The following PPP1R9B variants were observed in gnomAD, a reference collection of about 807,000 sequenced individuals.
PPP1R9B encodes the protein neurabin-2.
PPP1R9B carries 17 observed loss-of-function variants against 75.8 expected under a neutral mutation model. The ratio of observed to expected loss-of-function variants is 0.22; its 90% CI spans 0.15 to 0.34. PPP1R9B has a LOEUF of 0.34. Ranked by LOEUF, PPP1R9B falls within the 10% of genes least tolerant of loss-of-function variation. The probability of loss-of-function intolerance (pLI) is 1.00; values close to 1 mark genes in which losing one functional copy is unlikely to be tolerated. For synonymous variants in PPP1R9B, 509 were observed against 535.4 expected (o/e 0.95, Z 0.68); for missense variants, 875 against 1,196.0 (o/e 0.73, Z 3.96).
rs757974147 is a variant in PPP1R9B at position 50,139,513 on chromosome 17, G to A, written c.1935C>T (p.Ile645=). The A allele has an allele frequency of 9.4e-6, 15 of 1,600,308 alleles. No individual in the cohort carries two copies. The highest frequency in any genetic ancestry group is 1.3e-5 in the African/African-American group (1 of 74,818). Residue 645 remains isoleucine (I), a synonymous_variant, in exon 6 of 10, where the codon ATC becomes ATT. Transcript: ENST00000612501. The surrounding 1 kb of genome is among the most constrained non-coding windows in gnomAD (Gnocchi z 5.0). ...CGTTCTCCGCTAGCTCAAACACCTC[G>A]ATGGCCATCTCACCACCCGGGAACG... is the stretch of plus-strand genomic sequence containing the variant. The part of the protein sequence containing the change: ...SPTFPGGEMA[I]EVFELAENED...
chr17:50,138,654 T>C (rs1435406908), intron 7 of PPP1R9B, among the ~76,000 whole-genome samples: 1 of 152,216 alleles, frequency 6.6e-6, no homozygotes, highest in East Asian at 1.9e-4. Context: ...GGTCTCATTC[T>C]GTTACTCAGG....
chr17:50,145,179 A>T lies in PPP1R9B; in HGVS notation c.1438T>A (p.Ser480Thr). The change falls in exon 2 of 10, where the codon TCT (serine) becomes ACT (threonine). Residue 480 changes from serine to threonine, a missense_variant. By Grantham distance (58) the Ser-to-Thr change is moderately conservative (BLOSUM62 1). Transcript: ENST00000612501. The part of the protein sequence containing the change: ...RNEDVDPMAA[S>T]AEYELEKRVE... ...CGCTTCTCCAGCTCGTACTCAGCAG[A>T]GGCTGCCATGGGATCCACATCCTCG... is the stretch of plus-strand genomic sequence containing the variant. The T allele has an allele frequency of 1.2e-6, 2 of 1,614,036 alleles. No individual in the cohort carries two copies. Among genetic ancestry groups the T allele is most frequent in the Non-Finnish European group, 1.7e-6 (2 of 1,179,892 alleles).
Position 50,139,667 on chromosome 17 carries a change from CCAGA to C in PPP1R9B, c.1867-90_1867-87del. 2 of 1,435,556 alleles carry C rather than the reference CCAGA, an allele frequency of 1.4e-6. No homozygotes were observed. The allele number at this position is 1,435,556 out of a possible 1,614,324, so 88.9% of individuals were successfully genotyped here. Reference sequence around the variant, plus strand: ...CCAGGGCTGGGACCAGTTGCCCATGCCAGACAGAGAGCTACCCAGGAATGTGGTT... The same window carrying C: ...CCAGGGCTGGGACCAGTTGCCCATGCCAGAGAGCTACCCAGGAATGTGGTT... On this transcript the variant is annotated intron_variant, in intron 5 of 9. Transcript: ENST00000612501. This position sits in a 1 kb window ranked among gnomAD's most constrained non-coding sequence, Gnocchi z 5.0.
chr17:50,148,994 G>T (rs926002802), intron 1 of PPP1R9B, 149 bp downstream of exon 1: 1 of 547,380 alleles, frequency 1.8e-6, no homozygotes, highest in Non-Finnish European at 3.0e-6. Context: ...ACTCCCCCAC[G>T]CCCCCCTGAG....
Position 50,150,468 on chromosome 17 carries a change from C to A in PPP1R9B, c.46G>T (p.Ala16Ser). 1 of 1,382,264 alleles carries A rather than the reference C, an allele frequency of 7.2e-7. No individual in the cohort carries two copies. 85.6% of individuals were successfully genotyped at this position (1,382,264 alleles called of 1,614,324 possible). ...TCGTAGGCGCTGCGGTGCGGGGAGG[C>A]GCTCCGGAGGGGACCCCCGGGCCCC... Reference protein sequence around the residue: ...PRGPGGPLRSASPHRSAYEAG... With the variant: ...PRGPGGPLRSSSPHRSAYEAG... Residue 16 changes from alanine (A) to serine (S), a missense_variant, in exon 1 of 10, where the codon GCC becomes TCC. Transcript: ENST00000612501. This position sits in a 1 kb window ranked among gnomAD's most constrained non-coding sequence, Gnocchi z 8.7.
At chr17:50,141,190 G>A in intron 4 of PPP1R9B, 79 bp downstream of exon 4, 1 of 925,530 alleles carries the variant, frequency 1.1e-6, no homozygotes, top group Non-Finnish European at 1.7e-6. Flanking sequence ...AACCTTAACT[G>A]GCTGTTAAGG....
chr17:50,148,818 G>C (rs1244031437), intron 1 of PPP1R9B, among the ~76,000 whole-genome samples: 1 of 152,236 alleles, frequency 6.6e-6, no homozygotes, highest in African/African-American at 2.4e-5. Context: ...CTGGAGGAAG[G>C]AATGTCCGGG....
chr17:50,143,951 G>A (rs1321904503), intron 2 of PPP1R9B, among the ~76,000 whole-genome samples: 3 of 152,210 alleles, frequency 2.0e-5, no homozygotes, highest in African/African-American at 4.8e-5. Context: ...GCAGAAGAGC[G>A]TGCCAAGGGT....
chr17:50,141,270 G>A lies in PPP1R9B; in HGVS notation c.1729C>T (p.Arg577Trp), dbSNP rs1209090814. The A allele has an allele frequency of 4.5e-6, 7 of 1,571,600 alleles. No individual in the cohort carries two copies. Among genetic ancestry groups the A allele is most frequent in the South Asian group, 1.2e-5 (1 of 85,496 alleles). The change falls in exon 4 of 10, where the codon CGG becomes TGG. Residue 577 changes from arginine to tryptophan, a missense_variant and splice_region_variant. Coordinates refer to ENST00000612501, the MANE Select transcript of PPP1R9B (RefSeq NM_032595.5). ...CGCCCCACCCCTCTGGGCTCTCACC[G>A]CACTCGGCCCTTGGTGTTCCGGAGC... ...SVLRNTKGRV[R>W]FMIGRERPGE...
Position 50,149,881 on chromosome 17 carries a change from G to T in PPP1R9B, c.633C>A (p.Leu211=). 6.7e-7 allele frequency: 1 copy of T among 1,502,426 alleles called. No individual in the cohort carries two copies. Among genetic ancestry groups the T allele is most frequent in the Non-Finnish European group, 8.8e-7 (1 of 1,132,884 alleles). 93.1% of individuals were successfully genotyped at this position (1,502,426 alleles called of 1,614,324 possible). A position where few individuals can be genotyped will look rare whatever the true frequency, so the allele number is the denominator to read the frequency against. ...AGTCGGCCTTCTCGAAGACGGCGCT[G>T]AGCTGGCTGACCGTGGGGGACACGG... ...ADAVSPTVSQ[L]SAVFEKADSR... The change falls in exon 1 of 10, where the codon CTC becomes CTA. Residue 211 remains leucine, a synonymous_variant. Coordinates refer to ENST00000612501, the MANE Select transcript of PPP1R9B (RefSeq NM_032595.5). The surrounding 1 kb of genome is among the most constrained non-coding windows in gnomAD (Gnocchi z 7.2).
intron 8 of PPP1R9B, 150 bp downstream of exon 8, chr17:50,135,818 T>C (rs1912213179): frequency 2.3e-6 from 2 of 860,108 alleles, no homozygotes; most frequent in Non-Finnish European, 3.6e-6. Context: ...GTGCTGGCTC[T>C]GATGCCTGGT....
intron 2 of PPP1R9B, 105 bp from the exon 3 acceptor site, chr17:50,143,823 A>C (rs544520812): frequency 7.2e-5 from 104 of 1,449,852 alleles, no homozygotes; most frequent in Non-Finnish European, 9.4e-5. Flanking sequence ...AGCAGTCCCC[A>C]TTAGGGGATG....
rs114697139 is a variant in PPP1R9B, at chr17:50,141,355, G to C, written c.1644C>G (p.Leu548=). The C allele has an allele frequency of 6.3e-7, 1 of 1,587,200 alleles. No individual in the cohort carries two copies. Among genetic ancestry groups the C allele is most frequent in the Non-Finnish European group, 8.6e-7 (1 of 1,167,378 alleles). Residue 548 remains leucine (L), a synonymous_variant, in exon 4 of 10, where the codon CTC becomes CTG. Coordinates refer to ENST00000612501, the MANE Select transcript of PPP1R9B (RefSeq NM_032595.5). Reference sequence around the variant, plus strand: ...GACTTGTTCCATCCACCTCCACCAGGAGATCATTCACCTGGATCCTAGCGG... The same window carrying C: ...GACTTGTTCCATCCACCTCCACCAGCAGATCATTCACCTGGATCCTAGCGG... ...HRDGRIQVND[L]LVEVDGTSLV... is the part of the protein sequence containing the mutation.
rs1598247000 is a variant in PPP1R9B at position 50,141,465 on chromosome 17, G to GTA, written c.1626-93_1626-92insTA. On this transcript the variant is annotated intron_variant, in intron 3 of 9. Coordinates refer to ENST00000612501, the MANE Select transcript of PPP1R9B (RefSeq NM_032595.5). ...CCCATCAGAAACTCCAGGCTCCCCA[G>GTA]CCTGAGTACATAGTGAGAACTCATC... 5 of 757,146 alleles carry GTA rather than the reference G, an allele frequency of 6.6e-6. No individual in the cohort carries two copies. The East Asian group carries it at 1.4e-4, about 21-fold the overall frequency. The allele number at this position is 757,146 out of a possible 1,614,324, so 46.9% of individuals were successfully genotyped here. A position where few individuals can be genotyped will look rare whatever the true frequency, so the allele number is the denominator to read the frequency against.
intron 3 of PPP1R9B, among the ~76,000 whole-genome samples, chr17:50,141,629 C>T (rs994093536): frequency 1.1e-4 from 16 of 149,420 alleles, no homozygotes; most frequent in African/African-American, 4.0e-4. Context: ...CGCCACTGCA[C>T]TCCAGCCTGG....
chr17:50,135,946 CGCCCAG>C lies in PPP1R9B; in HGVS notation c.2303+16_2303+21del. 1.0e-5 allele frequency: 15 copies of C among 1,435,898 alleles called. No individual in the cohort carries two copies. The highest frequency in any genetic ancestry group is 1.3e-5 in the Non-Finnish European group (14 of 1,045,012). 88.9% of individuals were successfully genotyped at this position (1,435,898 alleles called of 1,614,324 possible). ...CTCTCAATGCTCCCTGGGCCCAGCC[CGCCCAG>C]CCCCCAGCCACGTACTTCTGCTGGT... On this transcript the variant is annotated intron_variant, in intron 8 of 9. Transcript: ENST00000612501.
In PPP1R9B at chr17:50,139,665, T is replaced by C. The variant is rs1912318839; in HGVS notation, c.1867-84A>G. 5 of 1,447,170 alleles carry C rather than the reference T, an allele frequency of 3.5e-6. No individual in the cohort carries two copies. Among genetic ancestry groups the C allele is most frequent in the Non-Finnish European group, 4.6e-6 (5 of 1,080,244 alleles). 89.6% of individuals were successfully genotyped at this position (1,447,170 alleles called of 1,614,324 possible). A position where few individuals can be genotyped will look rare whatever the true frequency, so the allele number is the denominator to read the frequency against. ...GACCAGGGCTGGGACCAGTTGCCCA[T>C]GCCAGACAGAGAGCTACCCAGGAAT... On this transcript the variant is annotated intron_variant, in intron 5 of 9. Coordinates refer to ENST00000612501, the MANE Select transcript of PPP1R9B (RefSeq NM_032595.5). This position sits in a 1 kb window ranked among gnomAD's most constrained non-coding sequence, Gnocchi z 5.0.
Position 50,150,652 on chromosome 17 carries a change from G to C in PPP1R9B, c.-139C>G. 3.8e-6 allele frequency: 3 copies of C among 797,856 alleles called. No individual in the cohort carries two copies. Among genetic ancestry groups the C allele is most frequent in the Non-Finnish European group, 5.0e-6 (3 of 603,010 alleles). 49.4% of individuals were successfully genotyped at this position (797,856 alleles called of 1,614,324 possible). A position where few individuals can be genotyped will look rare whatever the true frequency, so the allele number is the denominator to read the frequency against. On this transcript the variant is annotated 5_prime_UTR_variant, in exon 1 of 10. Transcript: ENST00000612501. This position sits in a 1 kb window ranked among gnomAD's most constrained non-coding sequence, Gnocchi z 8.7. ...TTTTTTAGGGTCCCCCCAAAACCAA[G>C]CTGCCAAAAACAGTTAATCCCGCTT...
At position 50,136,270 on chromosome 17, in the gene PPP1R9B, G is replaced by A. The variant is rs193041312; in HGVS notation, c.2074-73C>T. 8.4e-6 allele frequency: 11 copies of A among 1,309,628 alleles called. No homozygotes were observed. In the East Asian group the frequency reaches 2.2e-4, roughly 26 times the overall value. 81.1% of individuals were successfully genotyped at this position (1,309,628 alleles called of 1,614,324 possible). On this transcript the variant is annotated intron_variant, in intron 7 of 9. Coordinates refer to ENST00000612501, the MANE Select transcript of PPP1R9B (RefSeq NM_032595.5). ...CAAAGGGTACCCCCATCCTAGCACT[G>A]GGGCCAGAGTCGCCAGGGGATTCCT...
Sources: allele counts gnomAD v4.1 joint callset (sites outside exome capture counted in the v4.1 genomes callset), GRCh38; gene constraint gnomAD v4.1.1; non-coding constraint Gnocchi (gnomAD v3.1); transcripts MANE v1.5; gene names NCBI Gene and HGNC (gene_info 2026-07-23, HGNC 2026-07-21).